RPS10: variants seen among roughly 807,000 people sequenced by gnomAD.
RPS10 encodes ribosomal protein S10.
Under a neutral mutation model 22.6 loss-of-function variants are expected in RPS10, and 2 were observed. That is an observed-to-expected ratio of 0.09 (90% CI 0.04 to 0.28). The LOEUF (loss-of-function observed/expected upper bound fraction) is 0.28, where lower values mean the gene tolerates loss of function less well. RPS10 is among the 10% of genes least tolerant of loss of function. RPS10 has a pLI of 1.00. For synonymous variants in RPS10, 70 were observed against 75.9 expected (o/e 0.92, Z 0.40); for missense variants, 137 against 222.2 (o/e 0.62, Z 2.44).
chr6:34,419,496 A>G (rs2071409013), intron 4 of RPS10, among the ~76,000 whole-genome samples: 2 of 152,178 alleles, frequency 1.3e-5, no homozygotes, highest in Non-Finnish European at 2.9e-5. Context: ...AGAATGTAAA[A>G]TATTTCACTA....
At chr6:34,421,278 G>A (rs1041407191) in intron 4 of RPS10, among the ~76,000 whole-genome samples, 7 of 151,858 alleles carry the variant, frequency 4.6e-5, no homozygotes, top group Non-Finnish European at 1.0e-4. Flanking sequence ...CTGCCTCCCA[G>A]GTTCAAGCAA....
intron 3 of RPS10, 22 bp from the exon 4 acceptor site, chr6:34,421,829 G>C (rs1765779545): frequency 6.2e-7 from 1 of 1,613,698 alleles, no homozygotes; most frequent in East Asian, 2.2e-5. Context: ...AAACCACACT[G>C]TGAACACAGG....
intron 4 of RPS10, among the ~76,000 whole-genome samples, chr6:34,418,951 T>TA (rs1258880772): frequency 6.6e-6 from 1 of 151,970 alleles, no homozygotes; most frequent in African/African-American, 2.4e-5. Context: ...CTCAGCTCAC[T>TA]ACAACCTCTG....
At chr6:34,423,068 T>TAAAC (rs200392463) in intron 3 of RPS10, among the ~76,000 whole-genome samples, 2 of 151,918 alleles carry the variant, frequency 1.3e-5, no homozygotes, top group Non-Finnish European at 1.5e-5. Context: ...TGACAGAATA[T>TAAAC]AAACAAACAA....
chr6:34,425,040 G>A (rs772234457), intron 2 of RPS10, 32 bp downstream of exon 2: 3 of 1,611,770 alleles, frequency 1.9e-6, no homozygotes, highest in South Asian at 1.1e-5. Flanking sequence ...CGGGGAGGAA[G>A]ATCCATCCCA....
Position 34,421,440 on chromosome 6 carries a change from C to A in RPS10, c.400+290G>T, listed in dbSNP as rs146277999. Among the ~76,000 whole-genome samples the A allele has an allele frequency of 4.1e-3, 620 of 151,936 alleles. 4 individuals are homozygous for A. The highest frequency in any genetic ancestry group is 5.8e-3 in the Non-Finnish European group (396 of 67,956). ...CTCAAGTAATCTGCCCACTTCGACC[C>A]CCCCCCTCCAACCAAAGTGCTGGGA... On this transcript the variant is annotated intron_variant, in intron 4 of 5. Coordinates refer to ENST00000648437, the MANE Select transcript of RPS10 (RefSeq NM_001014.5).
At chr6:34,417,727 A>C in intron 5 of RPS10, 180 bp from the exon 6 acceptor site, 1 of 727,622 alleles carries the variant, frequency 1.4e-6, no homozygotes, top group Non-Finnish European at 2.5e-6. Context: ...GGCCATATCT[A>C]ACATCTAGGC....
chr6:34,417,934 C>T (rs748095253), intron 5 of RPS10: 71 of 717,934 alleles, frequency 9.9e-5, no homozygotes, highest in African/African-American at 4.7e-4. Context: ...AGTACTATGC[C>T]TGGATTAACT....
Position 34,423,623 on chromosome 6 carries a change from G to A in RPS10, c.322+1046C>T, listed in dbSNP as rs145250689. On this transcript the variant is annotated intron_variant, in intron 3 of 5. Transcript: ENST00000648437. The stretch of plus-strand genomic sequence containing the variant: ...TTATGGGCTGGGCGCGGTGGCTAAC[G>A]CCTGTAATCCCAGCACTTTGGGAGG... Among the ~76,000 whole-genome samples the A allele has an allele frequency of 1.5e-3, 223 of 152,242 alleles. 1 individual carries two copies. Among genetic ancestry groups the A allele is most frequent in the East Asian group, 0.011 (57 of 5,178 alleles).
intron 5 of RPS10, chr6:34,417,905 A>G (rs1316164807): frequency 2.8e-6 from 2 of 718,496 alleles, no homozygotes; most frequent in Non-Finnish European, 5.2e-6. Flanking sequence ...GACCTGCCAT[A>G]GGACAAAAAT....
intron 4 of RPS10, among the ~76,000 whole-genome samples, chr6:34,421,446 C>T (rs1039932318): frequency 1.1e-4 from 16 of 151,678 alleles, no homozygotes; most frequent in African/African-American, 3.4e-4. Context: ...GACCCCCCCC[C>T]TCCAACCAAA....
intron 4 of RPS10, among the ~76,000 whole-genome samples, chr6:34,420,129 G>A (rs751647354): frequency 1.6e-4 from 24 of 152,150 alleles, no homozygotes; most frequent in Non-Finnish European, 2.8e-4. Context: ...GTGTGGCTAC[G>A]AGGAAATTTT....
intron 4 of RPS10, 110 bp from the exon 5 acceptor site, chr6:34,418,534 G>A (rs1561936810): frequency 7.2e-6 from 11 of 1,531,532 alleles, no homozygotes; most frequent in Admixed American, 3.7e-5. Flanking sequence ...GTACCACTCC[G>A]TTAAATATAA....
At chr6:34,418,152 T>G (rs551305430) in intron 5 of RPS10, 2 of 1,469,160 alleles carry the variant, frequency 1.4e-6, no homozygotes, top group African/African-American at 1.4e-5. Context: ...GTAGGCCACA[T>G]GTACTGATTT....
chr6:34,418,067 C>A, intron 5 of RPS10: 1 of 921,432 alleles, frequency 1.1e-6, no homozygotes, highest in Non-Finnish European at 1.6e-6. Context: ...TGATTTCATA[C>A]CATCTTGGTT....
Position 34,419,175 on chromosome 6 carries a change from T to C in RPS10, c.401-751A>G, listed in dbSNP as rs567104781. Reference sequence around the variant, plus strand: ...CTGGGATTACAGGCATGCGCCACCATGCATGGCTAATTTTTTTGTATTTTT... The same window carrying C: ...CTGGGATTACAGGCATGCGCCACCACGCATGGCTAATTTTTTTGTATTTTT... On this transcript the variant is annotated intron_variant, in intron 4 of 5. Transcript: ENST00000648437. 7.2e-5 allele frequency among the ~76,000 whole-genome samples: 11 copies of C among 151,898 alleles called. No individual in the cohort carries two copies. The South Asian group carries it at 1.9e-3, about 26-fold the overall frequency.
Position 34,418,405 on chromosome 6 carries a change from G to C in RPS10, c.420C>G (p.Ala140=). Residue 140 remains alanine (A), a synonymous_variant, in exon 5 of 6, where the codon GCC becomes GCG. Coordinates refer to ENST00000648437, the MANE Select transcript of RPS10 (RefSeq NM_001014.5). ...CGGTTGCTGACCCAGCCCCAGCCTC[G>C]GCTTTCTTGTCGGCACCAGCTAGAA... is the stretch of plus-strand genomic sequence containing the variant. ...SAVPPGADKK[A]EAGAGSATEF... 6.2e-7 allele frequency: 1 copy of C among 1,614,112 alleles called. No individual in the cohort carries two copies. The highest frequency in any genetic ancestry group is 8.5e-7 in the Non-Finnish European group (1 of 1,180,024).
chr6:34,418,345 G>A, intron 5 of RPS10, 24 bp downstream of exon 5: 3 of 1,614,040 alleles, frequency 1.9e-6, no homozygotes, highest in South Asian at 1.1e-5. Context: ...ATGGCTCATG[G>A]AAAACAAATA....
At chr6:34,422,453 T>A (rs1015829274) in intron 3 of RPS10, among the ~76,000 whole-genome samples, 1 of 152,196 alleles carries the variant, frequency 6.6e-6, no homozygotes, top group Non-Finnish European at 1.5e-5. Context: ...TAGGTGGGAT[T>A]ACATGCACGT....
Sources: allele counts gnomAD v4.1 joint callset (sites outside exome capture counted in the v4.1 genomes callset), GRCh38; gene constraint gnomAD v4.1.1; transcripts MANE v1.5; gene names NCBI Gene and HGNC (gene_info 2026-07-23, HGNC 2026-07-21).